NFIX: variants seen among roughly 807,000 people sequenced by gnomAD.
NFIX encodes nuclear factor 1 X-type.
NFIX carries 2 observed loss-of-function variants against 53.3 expected under a neutral mutation model. The observed-to-expected ratio is 0.04, with a 90% confidence interval of 0.02 to 0.12. The LOEUF (loss-of-function observed/expected upper bound fraction) is 0.12, where lower values mean the gene tolerates loss of function less well. Among genes scored for constraint, NFIX ranks in the 10% least tolerant of loss-of-function variants. The pLI is 1.00. For missense variants in NFIX, 310 were observed against 674.5 expected, an observed-to-expected ratio of 0.46 and a Z score of 5.99; for synonymous variants, 244 against 289.0, an observed-to-expected ratio of 0.84 and a Z score of 1.58.
In NFIX at chr19:13,097,459, A is replaced by G. The variant is rs2018528812; in HGVS notation, c.*2810A>G. 2 of 152,578 alleles carry G rather than the reference A, an allele frequency of 1.3e-5. No homozygotes were observed. Among genetic ancestry groups the G allele is most frequent in the South Asian group, 4.1e-4 (2 of 4,826 alleles). 9.5% of individuals were successfully genotyped at this position (152,578 alleles called of 1,614,324 possible). ...TTAAAGAACCCACAAACTATTATAC[A>G]TAAGTTTATGAATCAATTAAATATC... is the stretch of plus-strand genomic sequence containing the variant. On this transcript the variant is annotated 3_prime_UTR_variant, in exon 11 of 11. Transcript: ENST00000592199.
rs2011981106 is a variant in NFIX, at chr19:13,005,771, T to C, written c.27+9907T>C. Among the ~76,000 whole-genome samples the C allele has an allele frequency of 6.6e-6, 1 of 152,168 alleles. No homozygotes were observed. Among genetic ancestry groups the C allele is most frequent in the Non-Finnish European group, 1.5e-5 (1 of 68,024 alleles). On this transcript the variant is annotated intron_variant, in intron 1 of 10. Transcript: ENST00000592199. This position sits in a 1 kb window ranked among gnomAD's most constrained non-coding sequence, Gnocchi z 4.7. ...CCACGCCCCCATTTGAAACGTGCCC[T>C]AGTGGTTGGCCCTTGAACCTTTCTT...
intron 2 of NFIX, among the ~76,000 whole-genome samples, chr19:13,042,388 G>A (rs1457817886): frequency 9.2e-6 from 1 of 109,062 alleles, no homozygotes; most frequent in Non-Finnish European, 1.7e-5. Context: ...AGACAGAGTC[G>A]CTGTCACCCA....
At position 13,014,176 on chromosome 19, in the gene NFIX, A is replaced by G. The variant is rs972315274; in HGVS notation, c.28-10845A>G. ...AGCGCGCTTTTCGGCAGAGCTGGTT[A>G]GTTTTTAATGCGGGCTTTTTTTTTC... On this transcript the variant is annotated intron_variant, in intron 1 of 10. Transcript: ENST00000592199. This position sits in a 1 kb window ranked among gnomAD's most constrained non-coding sequence, Gnocchi z 4.4. 3 of 152,164 alleles carry G rather than the reference A, an allele frequency of 2.0e-5. No individual in the cohort carries two copies. The highest frequency in any genetic ancestry group is 4.4e-5 in the Non-Finnish European group (3 of 68,020). The allele number at this position is 152,164 out of a possible 1,614,324, so 9.4% of individuals were successfully genotyped here.
intron 2 of NFIX, among the ~76,000 whole-genome samples, chr19:13,033,392 T>A (rs1431702603): frequency 3.9e-5 from 6 of 152,184 alleles, no homozygotes; most frequent in African/African-American, 1.4e-4. Context: ...CTGCCCTTTA[T>A]GGGTCTGTCT....
At chr19:13,063,625 T>C (rs957793095) in intron 2 of NFIX, among the ~76,000 whole-genome samples, 1 of 152,168 alleles carries the variant, frequency 6.6e-6, no homozygotes, top group African/African-American at 2.4e-5. Flanking sequence ...TTGGCCCTGA[T>C]TCTCTACTGT....
intron 10 of NFIX, among the ~76,000 whole-genome samples, chr19:13,091,138 G>A (rs2018111801): frequency 6.6e-6 from 1 of 152,148 alleles, no homozygotes; most frequent in African/African-American, 2.4e-5. Context: ...GACAGAGGCA[G>A]CTTTAGGGGG....
At chr19:13,010,109 C>T (rs1053729946) in intron 1 of NFIX, among the ~76,000 whole-genome samples, 6 of 152,182 alleles carry the variant, frequency 3.9e-5, no homozygotes, top group Non-Finnish European at 8.8e-5. Context: ...CTTTGTTCCT[C>T]CCCCGCCTGC....
At position 13,008,054 on chromosome 19, in the gene NFIX, A is replaced by G. The variant is rs141266216; in HGVS notation, c.27+12190A>G. Reference sequence around the variant, plus strand: ...CATGGTACACATAATACATACAACAAACACACATGTTGACAAGTTAAGGAG... The same window carrying G: ...CATGGTACACATAATACATACAACAGACACACATGTTGACAAGTTAAGGAG... On this transcript the variant is annotated intron_variant, in intron 1 of 10. Coordinates refer to ENST00000592199, the MANE Select transcript of NFIX (RefSeq NM_001365902.3). Among the ~76,000 whole-genome samples, 888 of 152,258 alleles carry G rather than the reference A, an allele frequency of 5.8e-3. 11 individuals are homozygous for G. Among genetic ancestry groups the G allele is most frequent in the African/African-American group, 0.02 (825 of 41,554 alleles).
chr19:13,001,475 C>T lies in NFIX; in HGVS notation c.27+5611C>T, dbSNP rs866316784. Among the ~76,000 whole-genome samples the T allele has an allele frequency of 6.6e-6, 1 of 151,982 alleles. No individual in the cohort carries two copies. Among genetic ancestry groups the T allele is most frequent in the African/African-American group, 2.4e-5 (1 of 41,342 alleles). On this transcript the variant is annotated intron_variant, in intron 1 of 10. Coordinates refer to ENST00000592199, the MANE Select transcript of NFIX (RefSeq NM_001365902.3). The surrounding 1 kb of genome is among the most constrained non-coding windows in gnomAD (Gnocchi z 6.5). ...GTCACGGTGGCGCTGCGCACGTCAACGGGTATTGGTGTACCGGTCACCATC... is the reference window on the plus strand; with the variant it reads ...GTCACGGTGGCGCTGCGCACGTCAATGGGTATTGGTGTACCGGTCACCATC...
rs1304330521 is a variant in NFIX, at chr19:13,040,309, G to T, written c.559+14757G>T. On this transcript the variant is annotated intron_variant, in intron 2 of 10. Transcript: ENST00000592199. The surrounding 1 kb of genome is among the most constrained non-coding windows in gnomAD (Gnocchi z 4.2). ...GTCCCTGCTAAATAGTCATCTTTGG[G>T]GACATCCTCCCTTTTGGCCACAAAG... Among the ~76,000 whole-genome samples, 4 of 152,066 alleles carry T rather than the reference G, an allele frequency of 2.6e-5. No individual in the cohort carries two copies. The East Asian group carries it at 7.7e-4, about 29-fold the overall frequency.
Position 13,028,912 on chromosome 19 carries a change from T to A in NFIX, c.559+3360T>A, listed in dbSNP as rs2013581910. 6.6e-6 allele frequency among the ~76,000 whole-genome samples: 1 copy of A among 151,840 alleles called. No individual in the cohort carries two copies. Among genetic ancestry groups the A allele is most frequent in the Non-Finnish European group, 1.5e-5 (1 of 67,968 alleles). ...TGAACCAGTGCCTTCAGACCTTCCC[T>A]GACACCTAAGCCTTGGTCCTAGGAA... On this transcript the variant is annotated intron_variant, in intron 2 of 10. Transcript: ENST00000592199. This position sits in a 1 kb window ranked among gnomAD's most constrained non-coding sequence, Gnocchi z 4.2.
chr19:13,029,443 C>T (rs939417230), intron 2 of NFIX, among the ~76,000 whole-genome samples: 7 of 152,152 alleles, frequency 4.6e-5, no homozygotes, highest in Non-Finnish European at 7.3e-5. Flanking sequence ...TCCTGCATTG[C>T]GATGGGTTGA....
chr19:13,039,979 CTGAG>C (rs1299032253), intron 2 of NFIX, among the ~76,000 whole-genome samples: 2 of 152,100 alleles, frequency 1.3e-5, no homozygotes, highest in Non-Finnish European at 2.9e-5. Flanking sequence ...GGTGTGCTCT[CTGAG>C]TGGGCATTAT....
rs1366786524 is a variant in NFIX, at chr19:13,072,795, C to T, written c.560-252C>T. Among the ~76,000 whole-genome samples, 1 of 152,202 alleles carries T rather than the reference C, an allele frequency of 6.6e-6. No homozygotes were observed. Among genetic ancestry groups the T allele is most frequent in the Admixed American group, 6.5e-5 (1 of 15,288 alleles). On this transcript the variant is annotated intron_variant, in intron 2 of 10. Transcript: ENST00000592199. This position sits in a 1 kb window ranked among gnomAD's most constrained non-coding sequence, Gnocchi z 4.0. Reference sequence around the variant, plus strand: ...CCCACAGTGCACAGGATGGTCCCCACCAGAGAGAGCAATCCAGGCCAAATG... The same window carrying T: ...CCCACAGTGCACAGGATGGTCCCCATCAGAGAGAGCAATCCAGGCCAAATG...
In NFIX at chr19:13,043,129, C is replaced by G. The variant is rs1324517806; in HGVS notation, c.559+17577C>G. ...TATGTCCCGTTCCTGTATTTATTCTCTGCATCAGCTCACACATTCCTTGAT... is the reference window on the plus strand; with the variant it reads ...TATGTCCCGTTCCTGTATTTATTCTGTGCATCAGCTCACACATTCCTTGAT... On this transcript the variant is annotated intron_variant, in intron 2 of 10. Transcript: ENST00000592199. The surrounding 1 kb of genome is among the most constrained non-coding windows in gnomAD (Gnocchi z 4.0). 6.6e-6 allele frequency among the ~76,000 whole-genome samples: 1 copy of G among 152,248 alleles called. No homozygotes were observed. The highest frequency in any genetic ancestry group is 1.5e-5 in the Non-Finnish European group (1 of 68,050).
intron 2 of NFIX, among the ~76,000 whole-genome samples, chr19:13,038,968 G>T (rs1183624271): frequency 6.6e-6 from 1 of 152,166 alleles, no homozygotes; most frequent in Admixed American, 6.5e-5. Flanking sequence ...TACATGCAAG[G>T]TCCTGCCTGC....
intron 2 of NFIX, among the ~76,000 whole-genome samples, chr19:13,032,623 C>T (rs2145224625): frequency 6.6e-6 from 1 of 152,212 alleles, no homozygotes; most frequent in Non-Finnish European, 1.5e-5. Context: ...GGCTTCCCAC[C>T]CTAAATCAGA....
rs113805005 is a variant in NFIX at position 12,998,848 on chromosome 19, C to T, written c.27+2984C>T. ...GACACGTATATTGGTGTAGGCTTAG[C>T]GACACAGCAGTACCTCTTTGACGCA... On this transcript the variant is annotated intron_variant, in intron 1 of 10. Coordinates refer to ENST00000592199, the MANE Select transcript of NFIX (RefSeq NM_001365902.3). The surrounding 1 kb of genome is among the most constrained non-coding windows in gnomAD (Gnocchi z 4.4). 3.3e-3 allele frequency among the ~76,000 whole-genome samples: 504 copies of T among 152,250 alleles called. 2 individuals carry two copies. Among genetic ancestry groups the T allele is most frequent in the Non-Finnish European group, 5.7e-3 (391 of 68,020 alleles).
intron 2 of NFIX, among the ~76,000 whole-genome samples, chr19:13,061,941 G>T (rs1339985868): frequency 6.6e-6 from 1 of 152,090 alleles, no homozygotes; most frequent in Non-Finnish European, 1.5e-5. Context: ...CTGATTCCAG[G>T]CCCAGGGCTC....
Sources: gnomAD v4.1 joint callset for allele counts (sites outside exome capture counted in the v4.1 genomes callset) on GRCh38, gnomAD v4.1.1 for gene constraint, Gnocchi (gnomAD v3.1) non-coding constraint, MANE v1.5 for transcripts, NCBI Gene and HGNC (gene_info 2026-07-23, HGNC 2026-07-21) for gene names.